Variants in CSNK2A1 observed in about 807,000 individuals in gnomAD.
The protein encoded by CSNK2A1 is casein kinase II subunit alpha.
A neutral mutation model predicts 62.9 loss-of-function variants in CSNK2A1; 10 were observed. That is an observed-to-expected ratio of 0.16 (90% CI 0.10 to 0.27). The LOEUF (loss-of-function observed/expected upper bound fraction) is 0.27. Among genes scored for constraint, CSNK2A1 ranks in the 10% least tolerant of loss-of-function variants. CSNK2A1 has a pLI of 1.00. For synonymous variants in CSNK2A1, 124 were observed against 167.8 expected, an observed-to-expected ratio of 0.74 and a Z score of 2.02; for missense variants, 160 against 492.0, an observed-to-expected ratio of 0.33 and a Z score of 6.38.
In CSNK2A1 at chr20:479,955, A is replaced by G. The variant is rs2017922840; in HGVS notation, c.*4006T>C. On this transcript the variant is annotated 3_prime_UTR_variant, in exon 14 of 14. Coordinates refer to ENST00000217244, the MANE Select transcript of CSNK2A1 (RefSeq NM_177559.3). ...CCAAAAATCCAAAAAAATTCAAAACACTTCTGGTCCCAACCATTTTGGATA... is the reference window on the plus strand; with the variant it reads ...CCAAAAATCCAAAAAAATTCAAAACGCTTCTGGTCCCAACCATTTTGGATA... 6.6e-6 allele frequency: 1 copy of G among 152,160 alleles called. No homozygotes were observed. The highest frequency in any genetic ancestry group is 1.5e-5 in the Non-Finnish European group (1 of 68,026). The allele number at this position is 152,160 out of a possible 1,614,324, so 9.4% of individuals were successfully genotyped here. A position where few individuals can be genotyped will look rare whatever the true frequency, so the allele number is the denominator to read the frequency against.
intron 11 of CSNK2A1, chr20:487,896 T>A (rs553139098): frequency 7.4e-5 from 27 of 366,860 alleles, no homozygotes; most frequent in Admixed American, 1.6e-4. Context: ...CTATTTCCCA[T>A]CCCCACACAT....
rs1271443538 is a variant in CSNK2A1, at chr20:486,369, A to C, written c.1060+7T>G. ...TTTTTTTAAAGAAAATTTACCAATG[A>C]ACTGACCTGACATCATATTGGCGCT... On this transcript the variant is annotated splice_region_variant and intron_variant, in intron 13 of 13. Coordinates refer to ENST00000217244, the MANE Select transcript of CSNK2A1 (RefSeq NM_177559.3). 6.2e-7 allele frequency: 1 copy of C among 1,613,660 alleles called. No individual in the cohort carries two copies. The highest frequency in any genetic ancestry group is 1.7e-4 in the Middle Eastern group (1 of 6,060).
intron 2 of CSNK2A1, among the ~76,000 whole-genome samples, chr20:525,801 G>A (rs1351226279): frequency 6.9e-6 from 1 of 145,166 alleles, no homozygotes; most frequent in Admixed American, 7.0e-5. Context: ...GCAACATAGT[G>A]AGACCCTGTC....
chr20:543,648 C>G, intron 1 of CSNK2A1, 24 bp downstream of exon 1: 1 of 397,952 alleles, frequency 2.5e-6, no homozygotes, highest in Non-Finnish European at 4.4e-6. Context: ...CGCCAACGAC[C>G]TCGCCTGGCT....
chr20:520,128 C>T (rs1244643107), intron 2 of CSNK2A1, among the ~76,000 whole-genome samples: 1 of 151,650 alleles, frequency 6.6e-6, no homozygotes, highest in East Asian at 1.9e-4. Context: ...AAATCTAGAA[C>T]ATAAGAAGCA....
intron 1 of CSNK2A1, among the ~76,000 whole-genome samples, chr20:538,188 C>G (rs1448338737): frequency 6.6e-6 from 1 of 152,176 alleles, no homozygotes; most frequent in African/African-American, 2.4e-5. Flanking sequence ...CTCAAGTCAT[C>G]TGCCCACCTC....
chr20:524,476 C>T (rs67792507), intron 2 of CSNK2A1, among the ~76,000 whole-genome samples: 35,931 of 149,786 alleles, frequency 0.24, 5,441 homozygotes, highest in East Asian at 0.63. Context: ...TACATCTAGG[C>T]CAGGTGTGGT....
intron 1 of CSNK2A1, among the ~76,000 whole-genome samples, chr20:537,356 G>A (rs912158474): frequency 2.6e-5 from 4 of 152,230 alleles, no homozygotes; most frequent in African/African-American, 7.2e-5. Flanking sequence ...CTGTTGCTAC[G>A]TAGGGTTTTT....
intron 8 of CSNK2A1, chr20:494,929 T>A (rs1214146004): frequency 6.6e-6 from 1 of 152,246 alleles, no homozygotes; most frequent in East Asian, 1.9e-4. Flanking sequence ...ACCTTTCCAA[T>A]GAAACCTTCC....
chr20:533,123 C>A (rs901383872), intron 1 of CSNK2A1, among the ~76,000 whole-genome samples: 2 of 151,314 alleles, frequency 1.3e-5, no homozygotes, highest in Non-Finnish European at 2.9e-5. Flanking sequence ...ATATACAGCT[C>A]AAAAAAACAA....
chr20:496,012 GAC>G (rs1208365260), intron 7 of CSNK2A1: 1 of 509,792 alleles, frequency 2.0e-6, no homozygotes, highest in Non-Finnish European at 3.5e-6. Flanking sequence ...ATCTTTTTCT[GAC>G]ACAGTTGTTT....
intron 2 of CSNK2A1, among the ~76,000 whole-genome samples, chr20:527,396 C>T (rs1036739614): frequency 1.3e-5 from 2 of 152,206 alleles, no homozygotes; most frequent in Non-Finnish European, 2.9e-5. Context: ...TTAACATTTT[C>T]AAAACATTTG....
chr20:489,723 T>G, intron 10 of CSNK2A1, 57 bp downstream of exon 10: 1 of 1,418,688 alleles, frequency 7.0e-7, no homozygotes, highest in Non-Finnish European at 9.7e-7. Context: ...TTACAGGCAG[T>G]GCTGGCTATC....
chr20:483,782 AAAAG>A lies in CSNK2A1; in HGVS notation c.*175_*178del. Reference sequence around the variant, plus strand: ...AAGTTCGAGTTAAAAAAAAAAAGAAAAAAGAAAATCAGCCTATTATAATTTTTTT... The same window carrying A: ...AAGTTCGAGTTAAAAAAAAAAAGAAAAAAATCAGCCTATTATAATTTTTTT... On this transcript the variant is annotated 3_prime_UTR_variant, in exon 14 of 14. Coordinates refer to ENST00000217244, the MANE Select transcript of CSNK2A1 (RefSeq NM_177559.3). 1 of 425,258 alleles carries A rather than the reference AAAAG, an allele frequency of 2.4e-6. No individual in the cohort carries two copies. The highest frequency in any genetic ancestry group is 4.0e-6 in the Non-Finnish European group (1 of 251,118). 26.3% of individuals were successfully genotyped at this position (425,258 alleles called of 1,614,324 possible). A position where few individuals can be genotyped will look rare whatever the true frequency, so the allele number is the denominator to read the frequency against.
rs971230901 is a variant in CSNK2A1 at position 483,767 on chromosome 20, T to TAA, written c.*192_*193dup. The TAA allele has an allele frequency of 6.1e-5, 20 of 326,828 alleles. No individual in the cohort carries two copies. The highest frequency in any genetic ancestry group is 1.5e-4 in the South Asian group (1 of 6,746). 20.2% of individuals were successfully genotyped at this position (326,828 alleles called of 1,614,324 possible). A position where few individuals can be genotyped will look rare whatever the true frequency, so the allele number is the denominator to read the frequency against. On this transcript the variant is annotated 3_prime_UTR_variant, in exon 14 of 14. Coordinates refer to ENST00000217244, the MANE Select transcript of CSNK2A1 (RefSeq NM_177559.3). ...CCCCTGAGTTATGAAAAGTTCGAGT[T>TAA]AAAAAAAAAAAGAAAAAAGAAAATC...
In CSNK2A1 at chr20:499,207, T is replaced by C. The variant is rs1437791959; in HGVS notation, c.366+48A>G. On this transcript the variant is annotated intron_variant, in intron 6 of 13. Transcript: ENST00000217244. This position sits in a 1 kb window ranked among gnomAD's most constrained non-coding sequence, Gnocchi z 4.2. ...CTAACAGCATCATCCCCAAAGGCTA[T>C]GTGGTCTAAAAACCCACTAGCCCGA... The C allele has an allele frequency of 1.4e-6, 2 of 1,474,170 alleles. No homozygotes were observed. The highest frequency in any genetic ancestry group is 1.8e-6 in the Non-Finnish European group (2 of 1,084,854). The allele number at this position is 1,474,170 out of a possible 1,614,324, so 91.3% of individuals were successfully genotyped here.
chr20:537,828 T>C (rs2019367182), intron 1 of CSNK2A1, among the ~76,000 whole-genome samples: 1 of 152,236 alleles, frequency 6.6e-6, no homozygotes, highest in African/African-American at 2.4e-5. Flanking sequence ...ACATTATTTA[T>C]TACCTTAAAA....
intron 13 of CSNK2A1, 118 bp downstream of exon 13, chr20:486,258 A>G: frequency 1.7e-6 from 2 of 1,181,056 alleles, no homozygotes; most frequent in Non-Finnish European, 2.4e-6. Flanking sequence ...CCTGGTTAAA[A>G]AAAAGTCACA....
Position 499,826 on chromosome 20 carries a change from T to C in CSNK2A1, c.315+7A>G, listed in dbSNP as rs780015572. 8.7e-6 allele frequency: 14 copies of C among 1,613,360 alleles called. 1 individual carries two copies. In the Admixed American group the frequency reaches 1.0e-4, roughly 12 times the overall value. On this transcript the variant is annotated splice_region_variant and intron_variant, in intron 5 of 13. Transcript: ENST00000217244. This position sits in a 1 kb window ranked among gnomAD's most constrained non-coding sequence, Gnocchi z 4.2. The stretch of plus-strand genomic sequence containing the variant: ...TGGCGGGCCTTGCTAACACCTACTA[T>C]ACTCACCACAGGGTCTTTTACAATG...
Sources: gnomAD v4.1 joint callset for allele counts (sites outside exome capture counted in the v4.1 genomes callset) on GRCh38, gnomAD v4.1.1 for gene constraint, Gnocchi (gnomAD v3.1) non-coding constraint, MANE v1.5 for transcripts, NCBI Gene and HGNC (gene_info 2026-07-23, HGNC 2026-07-21) for gene names.